Variants in GTF2H4 observed in about 807,000 individuals in gnomAD.
GTF2H4 encodes the protein BTF2 p52.
A neutral mutation model predicts 62.2 loss-of-function variants in GTF2H4; 49 were observed. The ratio of observed to expected loss-of-function variants is 0.79; its 90% CI spans 0.63 to 1.00. The LOEUF (loss-of-function observed/expected upper bound fraction) is 1.00, where lower values mean the gene tolerates loss of function less well. GTF2H4 is among the 50% of genes least tolerant of loss of function. GTF2H4 has a pLI of 0.00. For missense variants in GTF2H4, 479 were observed against 587.8 expected (o/e 0.81, Z 1.91); for synonymous variants, 189 against 233.8 (o/e 0.81, Z 1.75).
chr6:30,909,492 T>G lies in GTF2H4; in HGVS notation c.195T>G (p.Pro65=). 6.2e-7 allele frequency: 1 copy of G among 1,612,736 alleles called. No homozygotes were observed. The highest frequency in any genetic ancestry group is 8.5e-7 in the Non-Finnish European group (1 of 1,179,748). ...TGCGGATGCTCTTTCTGGAGCAGCC[T>G]TTGCCACAGGCTGCTGTAGCTCTGT... ...WVMRMLFLEQ[P]LPQAAVALWV... is the part of the protein sequence containing the mutation. Residue 65 remains proline, a synonymous_variant, in exon 3 of 14, where the codon CCT becomes CCG. Transcript: ENST00000259895. This position sits in a 1 kb window ranked among gnomAD's most constrained non-coding sequence, Gnocchi z 4.3.
At position 30,909,600 on chromosome 6, in the gene GTF2H4, G is replaced by C. The variant is rs1793683489; in HGVS notation, c.242+61G>C. On this transcript the variant is annotated intron_variant, in intron 3 of 13. Transcript: ENST00000259895. This position sits in a 1 kb window ranked among gnomAD's most constrained non-coding sequence, Gnocchi z 4.3. ...ACATTTCCCAAACTGCTGTTCCTTG[G>C]AGCACTTCCAGGAAGTGTTAATAGA... is the stretch of plus-strand genomic sequence containing the variant. 1 of 1,035,560 alleles carries C rather than the reference G, an allele frequency of 9.7e-7. No individual in the cohort carries two copies. The highest frequency in any genetic ancestry group is 1.5e-6 in the Non-Finnish European group (1 of 659,240). 64.1% of individuals were successfully genotyped at this position (1,035,560 alleles called of 1,614,324 possible).
Position 30,908,278 on chromosome 6 carries a change from T to G in GTF2H4, c.-129T>G, listed in dbSNP as rs1299159714. 1 of 153,528 alleles carries G rather than the reference T, an allele frequency of 6.5e-6. No individual in the cohort carries two copies. The highest frequency in any genetic ancestry group is 1.5e-5 in the Non-Finnish European group (1 of 68,786). The allele number at this position is 153,528 out of a possible 1,614,324, so 9.5% of individuals were successfully genotyped here. ...TCTTGCCTGTGAAATCTTTCTTTGCTTTCCCCATCTTTTCCTCGCATTTTT... is the reference window on the plus strand; with the variant it reads ...TCTTGCCTGTGAAATCTTTCTTTGCGTTCCCCATCTTTTCCTCGCATTTTT... On this transcript the variant is annotated 5_prime_UTR_variant, in exon 1 of 14. Coordinates refer to ENST00000259895, the MANE Select transcript of GTF2H4 (RefSeq NM_001517.5).
In GTF2H4 at chr6:30,908,240, C is replaced by T. The variant is rs3218808; in HGVS notation, c.-167C>T. The T allele has an allele frequency of 0.022, 3,324 of 153,306 alleles. 48 individuals are homozygous for T. Among genetic ancestry groups the T allele is most frequent in the Non-Finnish European group, 0.035 (2,414 of 68,722 alleles). 9.5% of individuals were successfully genotyped at this position (153,306 alleles called of 1,614,324 possible). A position where few individuals can be genotyped will look rare whatever the true frequency, so the allele number is the denominator to read the frequency against. ...CCTTACCTCCCTTCTCTTCTGAATT[C>T]TCCATTCTGGGCTCTTGCCTGTGAA... On this transcript the variant is annotated 5_prime_UTR_variant, in exon 1 of 14. Coordinates refer to ENST00000259895, the MANE Select transcript of GTF2H4 (RefSeq NM_001517.5).
rs1397496594 is a variant in GTF2H4 at position 30,910,823 on chromosome 6, A to T, written c.472-30A>T. ...TTCTACTTCCCATGGCCCTTGGGGC[A>T]TGGTCTCCCTGTTCTCTTCTGTTCT... On this transcript the variant is annotated intron_variant, in intron 5 of 13. Coordinates refer to ENST00000259895, the MANE Select transcript of GTF2H4 (RefSeq NM_001517.5). The surrounding 1 kb of genome is among the most constrained non-coding windows in gnomAD (Gnocchi z 4.7). 6.2e-7 allele frequency: 1 copy of T among 1,606,280 alleles called. No homozygotes were observed. Among genetic ancestry groups the T allele is most frequent in the African/African-American group, 1.3e-5 (1 of 74,686 alleles).
Position 30,913,097 on chromosome 6 carries a change from T to G in GTF2H4, c.1090-13T>G. The G allele has an allele frequency of 6.2e-7, 1 of 1,614,018 alleles. No homozygotes were observed. The highest frequency in any genetic ancestry group is 8.5e-7 in the Non-Finnish European group (1 of 1,179,910). On this transcript the variant is annotated splice_polypyrimidine_tract_variant and intron_variant, in intron 11 of 13. Coordinates refer to ENST00000259895, the MANE Select transcript of GTF2H4 (RefSeq NM_001517.5). This position sits in a 1 kb window ranked among gnomAD's most constrained non-coding sequence, Gnocchi z 4.2. ...TGCTGGAGCCCTCATGCCATTCTTGTCTGTTTTCCTAGATAATCCATTTCC... is the reference window on the plus strand; with the variant it reads ...TGCTGGAGCCCTCATGCCATTCTTGGCTGTTTTCCTAGATAATCCATTTCC...
chr6:30,913,469 C>A lies in GTF2H4; in HGVS notation c.1216+82C>A, dbSNP rs951660268. ...TCAGTCTGCATTTTATTTTTTACTTCATGGACTAGGAGAGAAAAGCTGGCA... is the reference window on the plus strand; with the variant it reads ...TCAGTCTGCATTTTATTTTTTACTTAATGGACTAGGAGAGAAAAGCTGGCA... On this transcript the variant is annotated intron_variant, in intron 13 of 13. Transcript: ENST00000259895. This position sits in a 1 kb window ranked among gnomAD's most constrained non-coding sequence, Gnocchi z 4.2. 1.7e-5 allele frequency: 25 copies of A among 1,474,290 alleles called. No homozygotes were observed. The highest frequency in any genetic ancestry group is 2.0e-5 in the Non-Finnish European group (22 of 1,076,982). The allele number at this position is 1,474,290 out of a possible 1,614,324, so 91.3% of individuals were successfully genotyped here.
rs1235972726 is a variant in GTF2H4 at position 30,909,231 on chromosome 6, A to G, written c.137+58A>G. Reference sequence around the variant, plus strand: ...TGGGGTCTGCGGAGTGGAATAAAATATCATAGGTAAAAGTGTAGCAGCCTG... The same window carrying G: ...TGGGGTCTGCGGAGTGGAATAAAATGTCATAGGTAAAAGTGTAGCAGCCTG... On this transcript the variant is annotated intron_variant, in intron 2 of 13. Coordinates refer to ENST00000259895, the MANE Select transcript of GTF2H4 (RefSeq NM_001517.5). This position sits in a 1 kb window ranked among gnomAD's most constrained non-coding sequence, Gnocchi z 4.3. The G allele has an allele frequency of 5.8e-6, 9 of 1,550,682 alleles. No homozygotes were observed. In the Admixed American group the frequency reaches 1.5e-4, roughly 26 times the overall value.
rs1342963669 is a variant in GTF2H4, at chr6:30,912,968, C to T, written c.1090-142C>T. The T allele has an allele frequency of 5.5e-6, 4 of 724,578 alleles. No homozygotes were observed. Among genetic ancestry groups the T allele is most frequent in the Non-Finnish European group, 9.1e-6 (4 of 441,366 alleles). The allele number at this position is 724,578 out of a possible 1,614,324, so 44.9% of individuals were successfully genotyped here. A position where few individuals can be genotyped will look rare whatever the true frequency, so the allele number is the denominator to read the frequency against. On this transcript the variant is annotated intron_variant, in intron 11 of 13. Coordinates refer to ENST00000259895, the MANE Select transcript of GTF2H4 (RefSeq NM_001517.5). This position sits in a 1 kb window ranked among gnomAD's most constrained non-coding sequence, Gnocchi z 4.8. ...TGGGAGCAGCAACGTGGGATAACAG[C>T]TGAACTGGGATGGGTGGAGTTGATG...
At position 30,909,556 on chromosome 6, in the gene GTF2H4, T is replaced by A; in HGVS notation, c.242+17T>A. On this transcript the variant is annotated intron_variant, in intron 3 of 13. Transcript: ENST00000259895. The surrounding 1 kb of genome is among the most constrained non-coding windows in gnomAD (Gnocchi z 4.3). ...ATTCAGCAAGTAAGTCTCAGCCAGA[T>A]ACAAATTTCTCAACAGCTACATTTC... 6.7e-7 allele frequency: 1 copy of A among 1,497,194 alleles called. No homozygotes were observed. 92.7% of individuals were successfully genotyped at this position (1,497,194 alleles called of 1,614,324 possible). A position where few individuals can be genotyped will look rare whatever the true frequency, so the allele number is the denominator to read the frequency against.
At position 30,913,758 on chromosome 6, in the gene GTF2H4, G is replaced by A. The variant is rs535851384; in HGVS notation, c.1217-53G>A. On this transcript the variant is annotated intron_variant, in intron 13 of 13. Coordinates refer to ENST00000259895, the MANE Select transcript of GTF2H4 (RefSeq NM_001517.5). This position sits in a 1 kb window ranked among gnomAD's most constrained non-coding sequence, Gnocchi z 4.2. ...TGGGGGGATTCCCAATAGGAGCTCCGAGCTTCACTTTCTCGTCTTCTCCCC... is the reference window on the plus strand; with the variant it reads ...TGGGGGGATTCCCAATAGGAGCTCCAAGCTTCACTTTCTCGTCTTCTCCCC... 53 of 1,468,108 alleles carry A rather than the reference G, an allele frequency of 3.6e-5. No individual in the cohort carries two copies. In the East Asian group the frequency reaches 1.0e-3, roughly 29 times the overall value. The allele number at this position is 1,468,108 out of a possible 1,614,324, so 90.9% of individuals were successfully genotyped here.
Position 30,911,579 on chromosome 6 carries a change from A to T in GTF2H4, c.741+80A>T. On this transcript the variant is annotated intron_variant, in intron 8 of 13. Transcript: ENST00000259895. The surrounding 1 kb of genome is among the most constrained non-coding windows in gnomAD (Gnocchi z 4.3). ...CAGTAGAGTAGACTGAGAAGATAAG[A>T]ATGAAAACAGAACGAACAGAGATGG... is the stretch of plus-strand genomic sequence containing the variant. 1 of 1,432,328 alleles carries T rather than the reference A, an allele frequency of 7.0e-7. No homozygotes were observed. The highest frequency in any genetic ancestry group is 9.9e-7 in the Non-Finnish European group (1 of 1,014,510). The allele number at this position is 1,432,328 out of a possible 1,614,324, so 88.7% of individuals were successfully genotyped here. A position where few individuals can be genotyped will look rare whatever the true frequency, so the allele number is the denominator to read the frequency against.
Position 30,913,263 on chromosome 6 carries a change from T to TG in GTF2H4, c.1138-42dup, listed in dbSNP as rs1404011276. The stretch of plus-strand genomic sequence containing the variant: ...GGAAGAAACAGAGGGCCGGGTTGTC[T>TG]GGGGCAGTATTCTGAGTCCCTACAG... On this transcript the variant is annotated intron_variant, in intron 12 of 13. Coordinates refer to ENST00000259895, the MANE Select transcript of GTF2H4 (RefSeq NM_001517.5). This position sits in a 1 kb window ranked among gnomAD's most constrained non-coding sequence, Gnocchi z 4.2. 1.9e-6 allele frequency: 3 copies of TG among 1,612,482 alleles called. No individual in the cohort carries two copies. Among genetic ancestry groups the TG allele is most frequent in the East Asian group, 2.2e-5 (1 of 44,850 alleles).
rs371746564 is a variant in GTF2H4, at chr6:30,910,622, C to T, written c.375-43C>T. On this transcript the variant is annotated intron_variant, in intron 4 of 13. Transcript: ENST00000259895. This position sits in a 1 kb window ranked among gnomAD's most constrained non-coding sequence, Gnocchi z 4.7. ...CAGGGATTACAGGTGTGAGCCACTG[C>T]GCCTGGCCAGGGTTCCTTACTCTTG... 77 of 1,432,362 alleles carry T rather than the reference C, an allele frequency of 5.4e-5. No homozygotes were observed. The African/African-American group carries it at 6.8e-4, about 13-fold the overall frequency. The allele number at this position is 1,432,362 out of a possible 1,614,324, so 88.7% of individuals were successfully genotyped here. A position where few individuals can be genotyped will look rare whatever the true frequency, so the allele number is the denominator to read the frequency against.
Position 30,910,649 on chromosome 6 carries a change from C to T in GTF2H4, c.375-16C>T. 2 of 1,599,448 alleles carry T rather than the reference C, an allele frequency of 1.3e-6. No individual in the cohort carries two copies. The highest frequency in any genetic ancestry group is 1.7e-6 in the Non-Finnish European group (2 of 1,167,952). On this transcript the variant is annotated splice_polypyrimidine_tract_variant and intron_variant, in intron 4 of 13. Transcript: ENST00000259895. The surrounding 1 kb of genome is among the most constrained non-coding windows in gnomAD (Gnocchi z 4.7). ...CCTGGCCAGGGTTCCTTACTCTTGG[C>T]CCATCCTGGCCGTAGGGGGAAGGCC...
Position 30,911,331 on chromosome 6 carries a change from C to T in GTF2H4, c.672+62C>T. The T allele has an allele frequency of 6.6e-7, 1 of 1,522,092 alleles. No individual in the cohort carries two copies. Among genetic ancestry groups the T allele is most frequent in the Non-Finnish European group, 9.1e-7 (1 of 1,098,188 alleles). 94.3% of individuals were successfully genotyped at this position (1,522,092 alleles called of 1,614,324 possible). A position where few individuals can be genotyped will look rare whatever the true frequency, so the allele number is the denominator to read the frequency against. Reference sequence around the variant, plus strand: ...TCCTCTCAGGTCTCACTGAGAGACTCCTGCCTACAGACTGTTCCCTGATTT... The same window carrying T: ...TCCTCTCAGGTCTCACTGAGAGACTTCTGCCTACAGACTGTTCCCTGATTT... On this transcript the variant is annotated intron_variant, in intron 7 of 13. Coordinates refer to ENST00000259895, the MANE Select transcript of GTF2H4 (RefSeq NM_001517.5). This position sits in a 1 kb window ranked among gnomAD's most constrained non-coding sequence, Gnocchi z 4.3.
chr6:30,911,684 G>T lies in GTF2H4; in HGVS notation c.742G>T (p.Asp248Tyr), dbSNP rs769616321. 6.2e-7 allele frequency: 1 copy of T among 1,610,418 alleles called. No individual in the cohort carries two copies. Among genetic ancestry groups the T allele is most frequent in the East Asian group, 2.2e-5 (1 of 44,866 alleles). Residue 248 changes from aspartate to tyrosine, a missense_variant and splice_region_variant, in exon 9 of 14, where the codon GAT (aspartate) becomes TAT (tyrosine). By Grantham distance (160) the Asp-to-Tyr change is radical. Coordinates refer to ENST00000259895, the MANE Select transcript of GTF2H4 (RefSeq NM_001517.5). This position sits in a 1 kb window ranked among gnomAD's most constrained non-coding sequence, Gnocchi z 4.3. ...FQLSFSTLGK[D>Y]YSVEGMSDSL... ...CCAGCTGGAAACCTCTGTTCCTCAG[G>T]ATTACTCTGTGGAAGGTATGAGTGA...
rs1793871623 is a variant in GTF2H4, at chr6:30,913,148, G to T, written c.1128G>T (p.Met376Ile). The change falls in exon 12 of 14, where the codon ATG (methionine) becomes ATT (isoleucine). Residue 376 changes from methionine (M) to isoleucine (I), a missense_variant. By Grantham distance (10) the Met-to-Ile change is conservative. Transcript: ENST00000259895. The surrounding 1 kb of genome is among the most constrained non-coding windows in gnomAD (Gnocchi z 4.2). Reference sequence around the variant, plus strand: ...TAAGGACAAGAGCCCACCCAGTGATGCTCAAACAGGTATAGACAGGCTCCA... The same window carrying T: ...TAAGGACAAGAGCCCACCCAGTGATTCTCAAACAGGTATAGACAGGCTCCA... ...HFLRTRAHPV[M>I]LKQTPVLPPT... 2.5e-6 allele frequency: 4 copies of T among 1,614,040 alleles called. No homozygotes were observed. Among genetic ancestry groups the T allele is most frequent in the Non-Finnish European group, 3.4e-6 (4 of 1,180,016 alleles).
rs1012169315 is a variant in GTF2H4, at chr6:30,913,774, T to C, written c.1217-37T>C. 1 of 1,501,652 alleles carries C rather than the reference T, an allele frequency of 6.7e-7. No individual in the cohort carries two copies. The highest frequency in any genetic ancestry group is 8.9e-7 in the Non-Finnish European group (1 of 1,122,332). The allele number at this position is 1,501,652 out of a possible 1,614,324, so 93.0% of individuals were successfully genotyped here. On this transcript the variant is annotated intron_variant, in intron 13 of 13. Transcript: ENST00000259895. This position sits in a 1 kb window ranked among gnomAD's most constrained non-coding sequence, Gnocchi z 4.2. ...AGGAGCTCCGAGCTTCACTTTCTCG[T>C]CTTCTCCCCGCGCCCCTCCCGTCCT...
chr6:30,910,890 C>T lies in GTF2H4; in HGVS notation c.509C>T (p.Ala170Val), dbSNP rs1793735100. 6.2e-7 allele frequency: 1 copy of T among 1,612,086 alleles called. No homozygotes were observed. The highest frequency in any genetic ancestry group is 1.3e-5 in the African/African-American group (1 of 74,872). The change falls in exon 6 of 14, where the codon GCT (alanine) becomes GTT (valine). Residue 170 changes from alanine (A) to valine (V), a missense_variant. Ala to Val is a moderately conservative substitution (Grantham distance 64). Transcript: ENST00000259895. This position sits in a 1 kb window ranked among gnomAD's most constrained non-coding sequence, Gnocchi z 4.7. ...LHFMVGSPSA[A>V]VSQDLAQLLS... Reference sequence around the variant, plus strand: ...TTCATGGTGGGCTCCCCCAGTGCAGCTGTCAGCCAGGACTTGGCTCAGCTC... The same window carrying T: ...TTCATGGTGGGCTCCCCCAGTGCAGTTGTCAGCCAGGACTTGGCTCAGCTC...
Sources: allele counts gnomAD v4.1 joint callset, GRCh38; gene constraint gnomAD v4.1.1; non-coding constraint Gnocchi (gnomAD v3.1); transcripts MANE v1.5; gene names NCBI Gene and HGNC (gene_info 2026-07-23, HGNC 2026-07-21).